SMIM8: variants seen among roughly 807,000 people sequenced by gnomAD.
SMIM8 encodes the protein UPF0708 protein C6orf162.
SMIM8 carries 8 observed loss-of-function variants against 8.1 expected under a neutral mutation model. The ratio of observed to expected loss-of-function variants is 0.99; its 90% CI spans 0.58 to 1.78. The LOEUF (loss-of-function observed/expected upper bound fraction) is 1.78, where lower values mean the gene tolerates loss of function less well. Among genes scored for constraint, SMIM8 ranks in the 40% most tolerant of loss-of-function variants. SMIM8 has a pLI of 0.00. For synonymous variants in SMIM8, 45 were observed against 39.7 expected (o/e 1.13, Z -0.50); for missense variants, 126 against 119.8 (o/e 1.05, Z -0.24).
chr6:87,335,462 A>G (rs929856545), intron 2 of SMIM8, among the ~76,000 whole-genome samples: 14 of 152,170 alleles, frequency 9.2e-5, no homozygotes, highest in Admixed American at 1.3e-4. Flanking sequence ...AAGTGATGGA[A>G]CCAGCAACAG....
At position 87,324,233 on chromosome 6, in the gene SMIM8, A is replaced by G. The variant is rs375314959; in HGVS notation, c.-45+1601A>G. Among the ~76,000 whole-genome samples, 108 of 152,054 alleles carry G rather than the reference A, an allele frequency of 7.1e-4. 2 individuals are homozygous for G. In the East Asian group the frequency reaches 0.017, roughly 24 times the overall value. ...CTCCCATTTTGTAGGTTGCCTGTTC[A>G]CTCTGATGGTAGTTTCTTTTGCTGT... is the stretch of plus-strand genomic sequence containing the variant. On this transcript the variant is annotated intron_variant, in intron 1 of 3. Transcript: ENST00000392863.
chr6:87,340,954 AG>A lies in SMIM8; in HGVS notation c.*681del, dbSNP rs1377785062. ...AGTTTTTCTTTAAAAAAAAAAAAAA[AG>A]TATGTTTTACTGAGGTATGATGATT... On this transcript the variant is annotated 3_prime_UTR_variant, in exon 4 of 4. Transcript: ENST00000392863. 3 of 187,982 alleles carry A rather than the reference AG, an allele frequency of 1.6e-5. No homozygotes were observed. Among genetic ancestry groups the A allele is most frequent in the African/African-American group, 4.8e-5 (2 of 41,314 alleles). The allele number at this position is 187,982 out of a possible 1,614,324, so 11.6% of individuals were successfully genotyped here.
At chr6:87,328,161 C>G (rs374739036) in intron 1 of SMIM8, among the ~76,000 whole-genome samples, 1 of 151,748 alleles carries the variant, frequency 6.6e-6, no homozygotes, top group African/African-American at 2.4e-5. Flanking sequence ...TTCTTCTAAA[C>G]TTTTTTCAAA....
At chr6:87,328,730 G>C (rs1250669062) in intron 1 of SMIM8, among the ~76,000 whole-genome samples, 2 of 152,214 alleles carry the variant, frequency 1.3e-5, no homozygotes, top group African/African-American at 4.8e-5. Context: ...GCCCCCAGAG[G>C]TGGAGCCTAC....
rs1208208598 is a variant in SMIM8, at chr6:87,340,954, A to G, written c.*680A>G. The G allele has an allele frequency of 5.3e-6, 1 of 187,898 alleles. No homozygotes were observed. Among genetic ancestry groups the G allele is most frequent in the East Asian group, 1.2e-4 (1 of 8,022 alleles). 11.6% of individuals were successfully genotyped at this position (187,898 alleles called of 1,614,324 possible). A position where few individuals can be genotyped will look rare whatever the true frequency, so the allele number is the denominator to read the frequency against. On this transcript the variant is annotated 3_prime_UTR_variant, in exon 4 of 4. Transcript: ENST00000392863. Reference sequence around the variant, plus strand: ...AGTTTTTCTTTAAAAAAAAAAAAAAAGTATGTTTTACTGAGGTATGATGAT... The same window carrying G: ...AGTTTTTCTTTAAAAAAAAAAAAAAGGTATGTTTTACTGAGGTATGATGAT...
chr6:87,331,567 T>A (rs1181644038), intron 2 of SMIM8, among the ~76,000 whole-genome samples: 1 of 152,234 alleles, frequency 6.6e-6, no homozygotes, highest in Non-Finnish European at 1.5e-5. Flanking sequence ...TGTGAACAAA[T>A]ACAGAAGAAT....
chr6:87,330,517 C>G (rs1022106296), intron 1 of SMIM8, among the ~76,000 whole-genome samples, 175 bp from the exon 2 acceptor site: 2 of 152,064 alleles, frequency 1.3e-5, no homozygotes, highest in South Asian at 2.1e-4. Context: ...TCAAAAATGA[C>G]TAGTCCTGAC....
chr6:87,323,667 T>G (rs1001685181), intron 1 of SMIM8, among the ~76,000 whole-genome samples: 3 of 152,074 alleles, frequency 2.0e-5, no homozygotes, highest in African/African-American at 7.2e-5. Context: ...CTTAATCCAG[T>G]CTATCATTGT....
intron 2 of SMIM8, chr6:87,330,946 T>G (rs1776982266): frequency 6.6e-6 from 1 of 152,178 alleles, no homozygotes; most frequent in Non-Finnish European, 1.5e-5. Context: ...TTAATTATTT[T>G]GCAGGTAGGC....
chr6:87,330,516 A>G (rs1776968211), intron 1 of SMIM8, among the ~76,000 whole-genome samples, 176 bp from the exon 2 acceptor site: 1 of 151,932 alleles, frequency 6.6e-6, no homozygotes, highest in Non-Finnish European at 1.5e-5. Flanking sequence ...TTCAAAAATG[A>G]CTAGTCCTGA....
chr6:87,326,136 G>A (rs1026529352), intron 1 of SMIM8, among the ~76,000 whole-genome samples: 20 of 152,100 alleles, frequency 1.3e-4, no homozygotes, highest in East Asian at 3.9e-4. Context: ...TTTTTATTGC[G>A]TCTATTTGAT....
At chr6:87,323,475 C>G (rs1776724898) in intron 1 of SMIM8, among the ~76,000 whole-genome samples, 1 of 136,630 alleles carries the variant, frequency 7.3e-6, no homozygotes, top group South Asian at 2.5e-4. Context: ...CTTCCTGTGT[C>G]CATGTGTTCC....
intron 2 of SMIM8, among the ~76,000 whole-genome samples, chr6:87,336,570 T>C (rs1048413393): frequency 1.1e-4 from 17 of 152,068 alleles, no homozygotes; most frequent in Non-Finnish European, 2.1e-4. Context: ...TAGGAGAAGA[T>C]AATGAGCAAA....
Position 87,340,173 on chromosome 6 carries a change from G to T in SMIM8, c.193G>T (p.Gly65Cys). The change falls in exon 4 of 4, where the codon GGT becomes TGT. Residue 65 changes from glycine (G) to cysteine (C), a missense_variant. Gly to Cys is a radical substitution (Grantham distance 159). Transcript: ENST00000392863. ...TCTTTCACTTTGCGTGGCATATATTGGTTATCTACATGCAATACAAGAGAA... is the reference window on the plus strand; with the variant it reads ...TCTTTCACTTTGCGTGGCATATATTTGTTATCTACATGCAATACAAGAGAA... ...VTLSLCVAYI[G>C]YLHAIQENKK... The T allele has an allele frequency of 6.2e-7, 1 of 1,609,304 alleles. No homozygotes were observed. The highest frequency in any genetic ancestry group is 8.5e-7 in the Non-Finnish European group (1 of 1,178,178).
At chr6:87,336,829 CAAATT>C (rs138991591) in intron 2 of SMIM8, among the ~76,000 whole-genome samples, 175 bp from the exon 3 acceptor site, 1,664 of 152,072 alleles carry the variant, frequency 0.011, 26 homozygotes, top group African/African-American at 0.037. Context: ...ACAAAATTAA[CAAATT>C]AAAGTTAAAG....
At chr6:87,329,145 C>G (rs1776927630) in intron 1 of SMIM8, 2 of 155,022 alleles carry the variant, frequency 1.3e-5, no homozygotes, top group Admixed American at 6.5e-5. Context: ...TACCTGCGCC[C>G]AGTGTCTGGC....
rs768510390 is a variant in SMIM8 at position 87,340,212 on chromosome 6, T to C, written c.232T>C (p.Tyr78His). 2.3e-5 allele frequency: 37 copies of C among 1,611,602 alleles called. No homozygotes were observed. Among genetic ancestry groups the C allele is most frequent in the Non-Finnish European group, 3.1e-5 (37 of 1,179,252 alleles). The change falls in exon 4 of 4, where the codon TAT becomes CAT. Residue 78 changes from tyrosine (Y) to histidine (H), a missense_variant. Coordinates refer to ENST00000392863, the MANE Select transcript of SMIM8 (RefSeq NM_001042493.3). ...HAIQENKKDL[Y>H]EAIDSEGHSY... ...AATACAAGAGAATAAAAAGGACCTC[T>C]ATGAAGCTATTGATAGTGAGGGGCA... is the stretch of plus-strand genomic sequence containing the variant.
In SMIM8 at chr6:87,341,438, GCCTTATAGAATT is replaced by G. The variant is rs1258558233; in HGVS notation, c.*1166_*1177del. On this transcript the variant is annotated 3_prime_UTR_variant, in exon 4 of 4. Transcript: ENST00000392863. ...AGGCCCCTGTGTCTGGCCAGATTCT[GCCTTATAGAATT>G]CAAATCTTTCTTACAAGGGTTCTGG... 5.1e-6 allele frequency: 2 copies of G among 395,474 alleles called. No individual in the cohort carries two copies. Among genetic ancestry groups the G allele is most frequent in the Non-Finnish European group, 8.9e-6 (2 of 224,530 alleles). 24.5% of individuals were successfully genotyped at this position (395,474 alleles called of 1,614,324 possible). A position where few individuals can be genotyped will look rare whatever the true frequency, so the allele number is the denominator to read the frequency against.
chr6:87,326,260 A>G (rs1180443515), intron 1 of SMIM8, among the ~76,000 whole-genome samples: 1 of 151,742 alleles, frequency 6.6e-6, no homozygotes, highest in Non-Finnish European at 1.5e-5. Context: ...TAATGTCTCT[A>G]TTTCCTTTAG....
Sources: allele counts gnomAD v4.1 joint callset (sites outside exome capture counted in the v4.1 genomes callset), GRCh38; gene constraint gnomAD v4.1.1; transcripts MANE v1.5; gene names NCBI Gene and HGNC (gene_info 2026-07-23, HGNC 2026-07-21).